TIAM1: variants seen among roughly 807,000 people sequenced by gnomAD.
TIAM1 encodes the protein TIAM Rac1 associated GEF 1.
Under a neutral mutation model 163.5 loss-of-function variants are expected in TIAM1, and 65 were observed. The ratio of observed to expected loss-of-function variants is 0.40; its 90% CI spans 0.33 to 0.49. The LOEUF is 0.49. Among genes scored for constraint, TIAM1 ranks in the 20% least tolerant of loss-of-function variants. The pLI is 0.77. For missense variants in TIAM1, 1,789 were observed against 2,044.7 expected (o/e 0.87, Z 2.41); for synonymous variants, 833 against 810.1 (o/e 1.03, Z -0.48).
chr21:31,305,121 A>T (rs927583677), intron 2 of TIAM1, among the ~76,000 whole-genome samples: 1 of 152,220 alleles, frequency 6.6e-6, no homozygotes, highest in Admixed American at 6.5e-5. Flanking sequence ...GTAAAAATTT[A>T]AAATATTTTG....
At chr21:31,255,878 C>G (rs1441363475) in intron 4 of TIAM1, among the ~76,000 whole-genome samples, 2 of 152,188 alleles carry the variant, frequency 1.3e-5, no homozygotes, top group African/African-American at 4.8e-5. Context: ...CCGAGAGGCT[C>G]TTCAATCCTG....
rs1054732397 is a variant in TIAM1, at chr21:31,350,611, G to A, written c.-368-11189C>T. ...GTATAAAAGTTTGTGGCATCTCCCC[G>A]CATCTCTCTTTTGCTCCTGCTCTGG... On this transcript the variant is annotated intron_variant, in intron 2 of 28. Coordinates refer to the TIAM1 transcript ENST00000286827. Among the ~76,000 whole-genome samples the A allele has an allele frequency of 2.0e-5, 3 of 152,046 alleles. No individual in the cohort carries two copies. In the South Asian group the frequency reaches 6.2e-4, roughly 32 times the overall value.
Position 31,339,486 on chromosome 21 carries a change from G to C in TIAM1, c.-368-64C>G, listed in dbSNP as rs138261976. 1.0e-5 allele frequency: 4 copies of C among 398,192 alleles called. No homozygotes were observed. In the Admixed American group the frequency reaches 1.8e-4, roughly 18 times the overall value. The allele number at this position is 398,192 out of a possible 1,614,324, so 24.7% of individuals were successfully genotyped here. ...TCGTTTTTACATACCTCTAGAGATT[G>C]CAAGATTATCCTCAGAAACATTAAC... On this transcript the variant is annotated intron_variant, in intron 1 of 27. Transcript: ENST00000541036.
At chr21:31,355,665 C>T (rs932948075) in intron 2 of TIAM1, among the ~76,000 whole-genome samples, 13 of 152,156 alleles carry the variant, frequency 8.5e-5, no homozygotes, top group African/African-American at 3.1e-4. Flanking sequence ...AATGCTCTTG[C>T]CTCCGCCTCC....
intron 2 of TIAM1, among the ~76,000 whole-genome samples, chr21:31,448,406 A>C (rs902098546): frequency 1.3e-5 from 2 of 152,124 alleles, no homozygotes; most frequent in Non-Finnish European, 2.9e-5. Flanking sequence ...GGAGTTCGAG[A>C]CCAGTCTGGC....
chr21:31,390,915 A>C (rs2076955067), intron 2 of TIAM1, among the ~76,000 whole-genome samples: 1 of 152,130 alleles, frequency 6.6e-6, no homozygotes, highest in South Asian at 2.1e-4. Context: ...GTATTCAAAG[A>C]TTCGTAGTAG....
At position 31,143,452 on chromosome 21, in the gene TIAM1, T is replaced by TTATATATA. The variant is rs61145317; in HGVS notation, c.3476-1956_3476-1949dup. 3.3e-3 allele frequency among the ~76,000 whole-genome samples: 496 copies of TTATATATA among 149,290 alleles called. 1 individual carries two copies. Among genetic ancestry groups the TTATATATA allele is most frequent in the East Asian group, 0.011 (55 of 5,058 alleles). ...AACAGTGGGAGTGTATATATAATTT[T>TTATATATA]TATATATATATATACACACACACAC... On this transcript the variant is annotated intron_variant, in intron 20 of 27. Coordinates refer to ENST00000541036, the MANE Select transcript of TIAM1 (RefSeq NM_001353694.2).
intron 1 of TIAM1, among the ~76,000 whole-genome samples, chr21:31,466,972 C>CA (rs528948975): frequency 0.092 from 8,105 of 88,544 alleles, 625 homozygotes; most frequent in African/African-American, 0.25. Flanking sequence ...TAAAATAGGC[C>CA]AAAAAAAAAA....
At chr21:31,121,063 AGGGGGAACC>A (rs1230079791) in intron 27 of TIAM1, among the ~76,000 whole-genome samples, 2 of 152,174 alleles carry the variant, frequency 1.3e-5, no homozygotes, top group East Asian at 3.9e-4. Flanking sequence ...TGCAAGGGCA[AGGGGGAACC>A]GGGGCACACA....
chr21:31,210,661 GAAAGAAAA>G lies in TIAM1; in HGVS notation c.2218-454_2218-447del, dbSNP rs750100048. Among the ~76,000 whole-genome samples, 151 of 20,230 alleles carry G rather than the reference GAAAGAAAA, an allele frequency of 7.5e-3. 4 individuals are homozygous for G. The highest frequency in any genetic ancestry group is 0.012 in the East Asian group (14 of 1,192). 13.3% of individuals were successfully genotyped at this position (20,230 alleles called of 152,430 possible). A position where few individuals can be genotyped will look rare whatever the true frequency, so the allele number is the denominator to read the frequency against. ...AGAAAGAAAGAAAGAAAGAAAGAAAGAAAGAAAAAGAAAGAAAGAAAGAAAAAGAAAGA... is the reference window on the plus strand; with the variant it reads ...AGAAAGAAAGAAAGAAAGAAAGAAAGAGAAAGAAAGAAAGAAAAAGAAAGA... On this transcript the variant is annotated intron_variant, in intron 10 of 27. Transcript: ENST00000541036.
intron 3 of TIAM1, among the ~76,000 whole-genome samples, chr21:31,272,749 C>T (rs2073117646): frequency 6.6e-6 from 1 of 151,966 alleles, no homozygotes; most frequent in Non-Finnish European, 1.5e-5. Flanking sequence ...TAGTTGAATC[C>T]CCTTTTATTT....
intron 2 of TIAM1, among the ~76,000 whole-genome samples, chr21:31,443,933 T>G (rs1047021994): frequency 3.3e-5 from 5 of 152,220 alleles, no homozygotes; most frequent in Admixed American, 6.5e-5. Context: ...CTGGCTTCCA[T>G]TCAAGTCATT....
At chr21:31,517,792 C>G (rs2047433762) in intron 1 of TIAM1, among the ~76,000 whole-genome samples, 1 of 152,162 alleles carries the variant, frequency 6.6e-6, no homozygotes, top group Non-Finnish European at 1.5e-5. Context: ...AGGAAGGAAA[C>G]TTTCTTATCA....
rs760187500 is a variant in TIAM1, at chr21:31,120,504, G to A, written c.4640C>T (p.Ala1547Val). Residue 1547 changes from alanine (A) to valine (V), a missense_variant, in exon 28 of 28, where the codon GCG becomes GTG. Around this residue, in one of 5 missense-constraint regions of TIAM1, gnomAD observed 415 missense variants for 439.2 expected, o/e 0.94. Transcript: ENST00000541036. This position sits in a 1 kb window ranked among gnomAD's most constrained non-coding sequence, Gnocchi z 4.2. ...ERGRKTLDSHASRMAQLKKQA... is the reference protein window; with the variant it reads ...ERGRKTLDSHVSRMAQLKKQA... ...CTTCTTGAGCTGTGCCATGCGGGAC[G>A]CGTGACTATCCAGGGTTTTCCGGCC... 9.2e-5 allele frequency: 149 copies of A among 1,614,182 alleles called. 5 individuals carry two copies. In the South Asian group the frequency reaches 1.3e-3, roughly 15 times the overall value.
chr21:31,307,366 C>T (rs2074753220), intron 2 of TIAM1, among the ~76,000 whole-genome samples: 1 of 152,182 alleles, frequency 6.6e-6, no homozygotes, highest in Non-Finnish European at 1.5e-5. Flanking sequence ...CCATTACCAA[C>T]CCTCTGAGTA....
At chr21:31,177,127 A>G (rs1002246080) in intron 15 of TIAM1, among the ~76,000 whole-genome samples, 11 of 152,240 alleles carry the variant, frequency 7.2e-5, no homozygotes, top group Non-Finnish European at 1.3e-4. Flanking sequence ...CTTCAGGTAC[A>G]AAACATTTAT....
intron 5 of TIAM1, among the ~76,000 whole-genome samples, chr21:31,248,837 G>A (rs2071641111): frequency 6.6e-6 from 1 of 152,058 alleles, no homozygotes; most frequent in Non-Finnish European, 1.5e-5. Flanking sequence ...GCGTCACCAA[G>A]AAAGTAAAGA....
intron 1 of TIAM1, among the ~76,000 whole-genome samples, chr21:31,530,590 G>C (rs2047938015): frequency 6.6e-6 from 1 of 152,188 alleles, no homozygotes; most frequent in African/African-American, 2.4e-5. Context: ...AAAACTGTGG[G>C]GCACCCCAGT....
At chr21:31,257,763 G>T (rs936361859) in intron 4 of TIAM1, among the ~76,000 whole-genome samples, 2 of 152,088 alleles carry the variant, frequency 1.3e-5, no homozygotes, top group Non-Finnish European at 2.9e-5. Context: ...TGAAATTGAA[G>T]AACTCATTCC....
Sources: allele counts gnomAD v4.1 joint callset (sites outside exome capture counted in the v4.1 genomes callset), GRCh38; gene constraint gnomAD v4.1.1; regional missense constraint gnomAD v4.1.1; non-coding constraint Gnocchi (gnomAD v3.1); transcripts MANE v1.5; gene names NCBI Gene and HGNC (gene_info 2026-07-23, HGNC 2026-07-21).